The following DMBX1 variants were observed in gnomAD, a reference collection of about 807,000 sequenced individuals.
DMBX1 encodes the protein diencephalon/mesencephalon homeobox 1.
Under a neutral mutation model 30.4 loss-of-function variants are expected in DMBX1, and 7 were observed. That is an observed-to-expected ratio of 0.23 (90% CI 0.13 to 0.43). The LOEUF is 0.43. Ranked by LOEUF, DMBX1 falls within the 20% of genes least tolerant of loss-of-function variation. The pLI is 1.00. For missense variants in DMBX1, 460 were observed against 508.5 expected (o/e 0.90, Z 0.92); for synonymous variants, 222 against 214.2 (o/e 1.04, Z -0.32).
chr1:46,501,168 CTCTT>C (rs749625850), intron 2 of DMBX1, among the ~76,000 whole-genome samples: 13 of 150,550 alleles, frequency 8.6e-5, no homozygotes, highest in Non-Finnish European at 1.6e-4. Context: ...CTCTCTCTGT[CTCTT>C]TCTTTCTGTT....
Position 46,515,914 on chromosome 1 carries a change from C to G in DMBX1, c.*3420C>G, listed in dbSNP as rs1324713601. Among the ~76,000 whole-genome samples, 1 of 152,198 alleles carries G rather than the reference C, an allele frequency of 6.6e-6. No individual in the cohort carries two copies. The highest frequency in any genetic ancestry group is 1.9e-4 in the East Asian group (1 of 5,196). ...TCCCTCAGAGCATGGTCCAGGGGCC[C>G]GGATCCCAACCCCAACTCCAAGGCT... On this transcript the variant is annotated 3_prime_UTR_variant, in exon 6 of 6. Coordinates refer to ENST00000360032, the MANE Select transcript of DMBX1 (RefSeq NM_172225.2).
intron 2 of DMBX1, among the ~76,000 whole-genome samples, chr1:46,500,042 C>T (rs1666094519): frequency 6.6e-6 from 1 of 151,944 alleles, no homozygotes; most frequent in Non-Finnish European, 1.5e-5. Flanking sequence ...TTGAGCTAGG[C>T]CTTATGGAGA....
At position 46,512,434 on chromosome 1, in the gene DMBX1, C is replaced by T; in HGVS notation, c.1074C>T (p.Asn358=). 1 of 1,613,892 alleles carries T rather than the reference C, an allele frequency of 6.2e-7. No individual in the cohort carries two copies. Among genetic ancestry groups the T allele is most frequent in the Non-Finnish European group, 8.5e-7 (1 of 1,179,980 alleles). ...ACAGTAAAACCACAAGCATCGAGAA[C>T]CTGCGGCTCCGGGCCAAGCAGCACG... ...TLNSKTTSIE[N]LRLRAKQHAA... The change falls in exon 6 of 6, where the codon AAC becomes AAT. Residue 358 remains asparagine (N), a synonymous_variant. Coordinates refer to ENST00000360032, the MANE Select transcript of DMBX1 (RefSeq NM_172225.2). This position sits in a 1 kb window ranked among gnomAD's most constrained non-coding sequence, Gnocchi z 4.8.
chr1:46,508,622 C>T (rs2148489446), intron 3 of DMBX1, among the ~76,000 whole-genome samples: 1 of 152,298 alleles, frequency 6.6e-6, no homozygotes, highest in South Asian at 2.1e-4. Context: ...AGAGAGGAGT[C>T]AGGGACAGGG....
Position 46,511,260 on chromosome 1 carries a change from G to A in DMBX1, c.659G>A (p.Cys220Tyr). Residue 220 changes from cysteine to tyrosine, a missense_variant, in exon 5 of 6, where the codon TGC (cysteine) becomes TAC (tyrosine). Coordinates refer to ENST00000360032, the MANE Select transcript of DMBX1 (RefSeq NM_172225.2). ...SPGADSKGLG[C>Y]KRGSPKADSP... ...GGGGCTGACAGCAAGGGGCTGGGCT[G>A]CAAGAGGGGCAGCCCCAAGGCAGGT... 6.3e-7 allele frequency: 1 copy of A among 1,597,204 alleles called. No individual in the cohort carries two copies. The highest frequency in any genetic ancestry group is 1.1e-5 in the South Asian group (1 of 88,938).
intron 2 of DMBX1, among the ~76,000 whole-genome samples, chr1:46,500,183 G>C (rs1344487977): frequency 6.6e-6 from 1 of 152,036 alleles, no homozygotes; most frequent in African/African-American, 2.4e-5. Context: ...GGGAGGGGGA[G>C]GGCATCAGGC....
At position 46,512,239 on chromosome 1, in the gene DMBX1, G is replaced by C; in HGVS notation, c.879G>C (p.Ala293=). The C allele has an allele frequency of 1.9e-6, 3 of 1,613,686 alleles. No individual in the cohort carries two copies. Among genetic ancestry groups the C allele is most frequent in the South Asian group, 2.2e-5 (2 of 91,074 alleles). Residue 293 remains alanine, a synonymous_variant, in exon 6 of 6, where the codon GCG becomes GCC. Transcript: ENST00000360032. This position sits in a 1 kb window ranked among gnomAD's most constrained non-coding sequence, Gnocchi z 4.8. ...GTCCGGCCCCTGCTGCTGCAGCGGC[G>C]GCTGCTGCTGTGCCCTACCTGGGCG... The part of the protein sequence containing the change: ...VGGPAPAAAA[A]AAAVPYLGVN...
chr1:46,512,779 T>G lies in DMBX1; in HGVS notation c.*285T>G. The G allele has an allele frequency of 2.2e-6, 1 of 461,144 alleles. No homozygotes were observed. Among genetic ancestry groups the G allele is most frequent in the Non-Finnish European group, 3.9e-6 (1 of 259,662 alleles). 28.6% of individuals were successfully genotyped at this position (461,144 alleles called of 1,614,324 possible). A position where few individuals can be genotyped will look rare whatever the true frequency, so the allele number is the denominator to read the frequency against. Reference sequence around the variant, plus strand: ...AAGTGAGAGGCTCTCCCTGGCTAGATCCTCATCTCAATAGCACCTCCTCCC... The same window carrying G: ...AAGTGAGAGGCTCTCCCTGGCTAGAGCCTCATCTCAATAGCACCTCCTCCC... On this transcript the variant is annotated 3_prime_UTR_variant, in exon 6 of 6. Coordinates refer to ENST00000360032, the MANE Select transcript of DMBX1 (RefSeq NM_172225.2). This position sits in a 1 kb window ranked among gnomAD's most constrained non-coding sequence, Gnocchi z 4.8.
At chr1:46,500,460 C>G (rs1451851395) in intron 2 of DMBX1, among the ~76,000 whole-genome samples, 4 of 151,976 alleles carry the variant, frequency 2.6e-5, no homozygotes, top group Non-Finnish European at 5.9e-5. Flanking sequence ...ACTCTGTTCC[C>G]CCTTCCCCAC....
Position 46,507,170 on chromosome 1 carries a change from G to GCCTGGCTGA in DMBX1, c.154+6_154+7insCCTGGCTGA. On this transcript the variant is annotated splice_region_variant and intron_variant, in intron 3 of 5. Transcript: ENST00000360032. ...ATTGGCTGAGCGCCTGGCTGGTAAG[G>GCCTGGCTGA]GCCCTGGGGATGGGACCATGGGGAC... is the stretch of plus-strand genomic sequence containing the variant. The GCCTGGCTGA allele has an allele frequency of 6.2e-7, 1 of 1,614,038 alleles. No homozygotes were observed. Among genetic ancestry groups the GCCTGGCTGA allele is most frequent in the African/African-American group, 1.3e-5 (1 of 75,066 alleles).
intron 2 of DMBX1, among the ~76,000 whole-genome samples, chr1:46,502,979 C>A (rs1666165944): frequency 6.6e-6 from 1 of 152,264 alleles, no homozygotes. Flanking sequence ...GGGATAAAAT[C>A]CAGCTGGGAT....
intron 2 of DMBX1, among the ~76,000 whole-genome samples, chr1:46,501,376 G>A (rs1367613854): frequency 6.6e-6 from 1 of 151,460 alleles, no homozygotes; most frequent in African/African-American, 2.4e-5. Flanking sequence ...CACCTTCCGG[G>A]TTCAAGTGAT....
Position 46,516,082 on chromosome 1 carries a change from C to T in DMBX1, c.*3588C>T, listed in dbSNP as rs886584438. On this transcript the variant is annotated 3_prime_UTR_variant, in exon 6 of 6. Coordinates refer to ENST00000360032, the MANE Select transcript of DMBX1 (RefSeq NM_172225.2). Reference sequence around the variant, plus strand: ...AAAAACAAGACTTAATTCACCCCTGCCTGTCCCCTCGCCTGCCCCCTGTGT... The same window carrying T: ...AAAAACAAGACTTAATTCACCCCTGTCTGTCCCCTCGCCTGCCCCCTGTGT... Among the ~76,000 whole-genome samples the T allele has an allele frequency of 6.6e-6, 1 of 152,224 alleles. No homozygotes were observed. The highest frequency in any genetic ancestry group is 2.4e-5 in the African/African-American group (1 of 41,456).
At chr1:46,502,420 T>A in intron 2 of DMBX1, among the ~76,000 whole-genome samples, 1 of 152,162 alleles carries the variant, frequency 6.6e-6, no homozygotes, top group East Asian at 1.9e-4. Context: ...TCATGCTGAT[T>A]CTACCTTCAA....
At chr1:46,502,824 G>C (rs1666162445) in intron 2 of DMBX1, among the ~76,000 whole-genome samples, 1 of 152,172 alleles carries the variant, frequency 6.6e-6, no homozygotes, top group Non-Finnish European at 1.5e-5. Context: ...AGGCTACGGT[G>C]AGTCAAGATT....
rs116069857 is a variant in DMBX1 at position 46,506,703 on chromosome 1, G to C, written c.-12-296G>C. Among the ~76,000 whole-genome samples the C allele has an allele frequency of 9.3e-4, 142 of 152,334 alleles. 1 individual carries two copies. The highest frequency in any genetic ancestry group is 3.1e-3 in the African/African-American group (129 of 41,576). On this transcript the variant is annotated intron_variant, in intron 2 of 5. Transcript: ENST00000360032. The stretch of plus-strand genomic sequence containing the variant: ...GGGTCAGATAAGTTAAAGCCACAAA[G>C]CTCCTGAGTGGTGGACTTGAGGTTT...
At chr1:46,490,246 G>C (rs1213270975) in intron 1 of DMBX1, among the ~76,000 whole-genome samples, 1 of 152,206 alleles carries the variant, frequency 6.6e-6, no homozygotes, top group Non-Finnish European at 1.5e-5. Context: ...GCCGTGGGTA[G>C]AAACGCGCCG....
At position 46,512,588 on chromosome 1, in the gene DMBX1, C is replaced by A. The variant is rs1666406480; in HGVS notation, c.*94C>A. 4 of 1,373,970 alleles carry A rather than the reference C, an allele frequency of 2.9e-6. No homozygotes were observed. In the East Asian group the frequency reaches 9.5e-5, roughly 32 times the overall value. The allele number at this position is 1,373,970 out of a possible 1,614,324, so 85.1% of individuals were successfully genotyped here. On this transcript the variant is annotated 3_prime_UTR_variant, in exon 6 of 6. Coordinates refer to ENST00000360032, the MANE Select transcript of DMBX1 (RefSeq NM_172225.2). This position sits in a 1 kb window ranked among gnomAD's most constrained non-coding sequence, Gnocchi z 4.8. Reference sequence around the variant, plus strand: ...GCTCTCGAGGAGTTAACTCCATGAGCCCAGGGATCCTAGGGCCTGGGGTCC... The same window carrying A: ...GCTCTCGAGGAGTTAACTCCATGAGACCAGGGATCCTAGGGCCTGGGGTCC...
chr1:46,510,760 A>T lies in DMBX1; in HGVS notation c.333+106A>T, dbSNP rs919871307. On this transcript the variant is annotated intron_variant, in intron 4 of 5. Coordinates refer to ENST00000360032, the MANE Select transcript of DMBX1 (RefSeq NM_172225.2). The surrounding 1 kb of genome is among the most constrained non-coding windows in gnomAD (Gnocchi z 4.1). ...TCATCCCTGTGCCAAGGTGCAACTGATCTCTCCATCAAAGCCTTCAGTGAT... is the reference window on the plus strand; with the variant it reads ...TCATCCCTGTGCCAAGGTGCAACTGTTCTCTCCATCAAAGCCTTCAGTGAT... 8 of 1,422,974 alleles carry T rather than the reference A, an allele frequency of 5.6e-6. No homozygotes were observed. Among genetic ancestry groups the T allele is most frequent in the Non-Finnish European group, 1.9e-6 (2 of 1,058,282 alleles). 88.1% of individuals were successfully genotyped at this position (1,422,974 alleles called of 1,614,324 possible).
Sources: gnomAD v4.1 joint callset for allele counts (sites outside exome capture counted in the v4.1 genomes callset) on GRCh38, gnomAD v4.1.1 for gene constraint, Gnocchi (gnomAD v3.1) non-coding constraint, MANE v1.5 for transcripts, NCBI Gene and HGNC (gene_info 2026-07-23, HGNC 2026-07-21) for gene names.